CAMTA1: variants seen among roughly 807,000 people sequenced by gnomAD.
CAMTA1 encodes calmodulin-binding transcription activator 1.
CAMTA1 carries 27 observed loss-of-function variants against 170.9 expected under a neutral mutation model. That is an observed-to-expected ratio of 0.16 (90% CI 0.12 to 0.22). The LOEUF (loss-of-function observed/expected upper bound fraction) is 0.22, where lower values mean the gene tolerates loss of function less well. Among genes scored for constraint, CAMTA1 ranks in the 10% least tolerant of loss-of-function variants. The probability of loss-of-function intolerance (pLI) is 1.00; values close to 1 mark genes in which losing one functional copy is unlikely to be tolerated. For missense variants in CAMTA1, 1,619 were observed against 2,217.2 expected, an observed-to-expected ratio of 0.73 and a Z score of 5.42; for synonymous variants, 833 against 891.5, an observed-to-expected ratio of 0.93 and a Z score of 1.17.
chr1:7,104,102 C>A lies in CAMTA1; in HGVS notation c.302+12731C>A, dbSNP rs1321975433. ...ATGTACACACAACACACATACACAA[C>A]TACACACATGTACACACAACACACA... On this transcript the variant is annotated intron_variant, in intron 4 of 22. Transcript: ENST00000303635. Among the ~76,000 whole-genome samples, 3 of 137,736 alleles carry A rather than the reference C, an allele frequency of 2.2e-5. No individual in the cohort carries two copies. The South Asian group carries it at 7.9e-4, about 36-fold the overall frequency. 90.4% of individuals were successfully genotyped at this position (137,736 alleles called of 152,430 possible). A position where few individuals can be genotyped will look rare whatever the true frequency, so the allele number is the denominator to read the frequency against.
chr1:7,002,117 C>T (rs546691394), intron 3 of CAMTA1, among the ~76,000 whole-genome samples: 3 of 152,006 alleles, frequency 2.0e-5, no homozygotes, highest in African/African-American at 4.8e-5. Context: ...AGGCTGGTCT[C>T]GAACTCCAGA....
intron 6 of CAMTA1, among the ~76,000 whole-genome samples, chr1:7,614,897 G>A (rs2095549043): frequency 1.3e-5 from 2 of 152,186 alleles, no homozygotes; most frequent in African/African-American, 4.8e-5. Context: ...ATCAGATACT[G>A]CTGGGGGGAG....
At chr1:7,326,204 G>T (rs1024933663) in intron 5 of CAMTA1, among the ~76,000 whole-genome samples, 2 of 152,138 alleles carry the variant, frequency 1.3e-5, no homozygotes, top group African/African-American at 4.8e-5. Flanking sequence ...AATTTTGAGA[G>T]CCTTCTTTAA....
At chr1:7,264,403 A>G (rs76109818) in intron 5 of CAMTA1, among the ~76,000 whole-genome samples, 3,205 of 152,310 alleles carry the variant, frequency 0.021, 118 homozygotes, top group South Asian at 0.12. Flanking sequence ...TACCTGGCAC[A>G]TGCAGTTTCC....
chr1:6,977,425 C>T (rs1693646219), intron 3 of CAMTA1, among the ~76,000 whole-genome samples: 1 of 152,038 alleles, frequency 6.6e-6, no homozygotes, highest in Non-Finnish European at 1.5e-5. Context: ...ACTGCAACCT[C>T]CACCTCCCAG....
chr1:7,215,149 T>C (rs929221610), intron 4 of CAMTA1, among the ~76,000 whole-genome samples: 2 of 141,004 alleles, frequency 1.4e-5, no homozygotes, highest in Non-Finnish European at 3.1e-5. Context: ...AAGTTTAGCT[T>C]GTGATTATCC....
At chr1:7,375,275 A>G (rs1469328126) in intron 5 of CAMTA1, among the ~76,000 whole-genome samples, 1 of 152,044 alleles carries the variant, frequency 6.6e-6, no homozygotes, top group Non-Finnish European at 1.5e-5. Flanking sequence ...TTTAGAGAGG[A>G]CGCCAGTGCA....
At chr1:6,822,543 C>T (rs1179217715) in intron 2 of CAMTA1, among the ~76,000 whole-genome samples, 1 of 152,188 alleles carries the variant, frequency 6.6e-6, no homozygotes, top group Middle Eastern at 3.4e-3. Context: ...ACCTAAAATT[C>T]TGGAAATGGT....
At chr1:7,354,917 C>T (rs1478312796) in intron 5 of CAMTA1, among the ~76,000 whole-genome samples, 1 of 152,032 alleles carries the variant, frequency 6.6e-6, no homozygotes, top group South Asian at 2.1e-4. Context: ...TTGTCTTCAT[C>T]TGGGCTGGGT....
At chr1:7,036,439 C>T (rs183958285) in intron 3 of CAMTA1, among the ~76,000 whole-genome samples, 24 of 152,300 alleles carry the variant, frequency 1.6e-4, no homozygotes, top group Non-Finnish European at 3.1e-4. Flanking sequence ...GGAGAGGGTG[C>T]GATCAGCCAG....
chr1:7,272,895 T>C (rs981589276), intron 5 of CAMTA1, among the ~76,000 whole-genome samples: 3 of 152,072 alleles, frequency 2.0e-5, no homozygotes, highest in Admixed American at 2.0e-4. Flanking sequence ...TTCTGAGGAA[T>C]TCTTAGAACT....
intron 4 of CAMTA1, among the ~76,000 whole-genome samples, chr1:7,179,362 G>A (rs1651620933): frequency 6.6e-6 from 1 of 151,968 alleles, no homozygotes; most frequent in African/African-American, 2.4e-5. Context: ...CAGATGAAGT[G>A]GAAAAAAATA....
At chr1:6,932,187 C>A (rs1260770533) in intron 3 of CAMTA1, among the ~76,000 whole-genome samples, 1 of 152,072 alleles carries the variant, frequency 6.6e-6, no homozygotes, top group African/African-American at 2.4e-5. Context: ...TCCAGGGCCT[C>A]CCCCCTCCTC....
chr1:6,902,459 C>G (rs1677331276), intron 3 of CAMTA1, among the ~76,000 whole-genome samples: 1 of 152,142 alleles, frequency 6.6e-6, no homozygotes, highest in African/African-American at 2.4e-5. Context: ...ACTCAAAAGG[C>G]CTGATTCTGT....
chr1:6,812,648 G>A (rs958369269), intron 1 of CAMTA1, among the ~76,000 whole-genome samples: 2 of 151,948 alleles, frequency 1.3e-5, no homozygotes, highest in African/African-American at 4.8e-5. Flanking sequence ...GAGTATACTG[G>A]CTTCCAAGCC....
intron 5 of CAMTA1, among the ~76,000 whole-genome samples, chr1:7,446,934 C>T (rs1305656720): frequency 2.0e-5 from 3 of 152,162 alleles, no homozygotes; most frequent in Non-Finnish European, 2.9e-5. Context: ...GTGGCAGCCA[C>T]CCTCGCCTCC....
chr1:7,563,064 G>A (rs2094981347), intron 6 of CAMTA1, among the ~76,000 whole-genome samples: 1 of 152,180 alleles, frequency 6.6e-6, no homozygotes, highest in Non-Finnish European at 1.5e-5. Flanking sequence ...GACTTTTGTG[G>A]CCTTTGGACG....
chr1:7,265,099 A>G (rs1004700016), intron 5 of CAMTA1, among the ~76,000 whole-genome samples: 8 of 152,066 alleles, frequency 5.3e-5, no homozygotes, highest in African/African-American at 1.7e-4. Flanking sequence ...CTTCTCAGGC[A>G]GCCTCGAGTT....
chr1:7,136,095 C>CT (rs145570726), intron 4 of CAMTA1, among the ~76,000 whole-genome samples: 4,484 of 152,292 alleles, frequency 0.029, 198 homozygotes, highest in African/African-American at 0.097. Context: ...ACCCCAGGCC[C>CT]TGGTGCTATA....
Sources: allele counts gnomAD v4.1 joint callset (sites outside exome capture counted in the v4.1 genomes callset), GRCh38; gene constraint gnomAD v4.1.1; transcripts MANE v1.5; gene names NCBI Gene and HGNC (gene_info 2026-07-23, HGNC 2026-07-21).